LAPTM5: variants seen among roughly 807,000 people sequenced by gnomAD.
LAPTM5 encodes lysosomal-associated transmembrane protein 5.
LAPTM5 carries 11 observed loss-of-function variants against 30.1 expected under a neutral mutation model. The ratio of observed to expected loss-of-function variants is 0.37; its 90% CI spans 0.23 to 0.60. The LOEUF is 0.60. LAPTM5 is among the 20% of genes least tolerant of loss of function. The pLI, the probability that LAPTM5 is intolerant of heterozygous loss-of-function variation, is 0.71. For synonymous variants in LAPTM5, 151 were observed against 137.9 expected (o/e 1.10, Z -0.67); for missense variants, 324 against 332.5 (o/e 0.97, Z 0.20).
intron 1 of LAPTM5, among the ~76,000 whole-genome samples, chr1:30,751,453 GT>G (rs1385371689): frequency 5.9e-5 from 9 of 152,248 alleles, no homozygotes; most frequent in African/African-American, 1.9e-4. Flanking sequence ...CAACAGAGGA[GT>G]GGGGCCAGGC....
chr1:30,753,434 G>A (rs1640165491), intron 1 of LAPTM5, among the ~76,000 whole-genome samples: 1 of 152,198 alleles, frequency 6.6e-6, no homozygotes, highest in Non-Finnish European at 1.5e-5. Context: ...ACCAGCAACA[G>A]TGGTAAGTCA....
chr1:30,749,609 G>A (rs534764868), intron 1 of LAPTM5, among the ~76,000 whole-genome samples: 16 of 152,306 alleles, frequency 1.1e-4, no homozygotes, highest in South Asian at 1.0e-3. Flanking sequence ...CAGAGGGCAC[G>A]ACTCCCAGGG....
chr1:30,736,889 C>T (rs989031212), intron 6 of LAPTM5, among the ~76,000 whole-genome samples: 6 of 152,196 alleles, frequency 3.9e-5, no homozygotes, highest in Non-Finnish European at 7.3e-5. Context: ...ACAAAATTCC[C>T]CACAAGAGTT....
At chr1:30,740,404 C>T (rs990192659) in intron 3 of LAPTM5, among the ~76,000 whole-genome samples, 3 of 144,914 alleles carry the variant, frequency 2.1e-5, no homozygotes, top group Non-Finnish European at 1.5e-5. Context: ...GCCCCTCCCC[C>T]CCACCCCCCA....
chr1:30,740,068 C>G, intron 3 of LAPTM5, 131 bp from the exon 4 acceptor site: 1 of 1,025,288 alleles, frequency 9.8e-7, no homozygotes, highest in Non-Finnish European at 1.3e-6. Context: ...GTTGAGGTCA[C>G]CTCCCTCTGA....
chr1:30,756,306 A>G (rs563648332), intron 1 of LAPTM5, among the ~76,000 whole-genome samples: 4 of 152,330 alleles, frequency 2.6e-5, no homozygotes, highest in African/African-American at 9.6e-5. Flanking sequence ...CCTCCTCCCA[A>G]AACTAGAGTC....
intron 5 of LAPTM5, 115 bp downstream of exon 5, chr1:30,738,821 TCCTC>T: frequency 8.9e-7 from 1 of 1,127,576 alleles, no homozygotes; most frequent in Non-Finnish European, 1.2e-6. Context: ...ACAAGAATCT[TCCTC>T]CCAAGCTCCA....
chr1:30,756,124 C>A (rs1640208565), intron 1 of LAPTM5, among the ~76,000 whole-genome samples: 1 of 152,172 alleles, frequency 6.6e-6, no homozygotes, highest in African/African-American at 2.4e-5. Flanking sequence ...GGGGTGAGGA[C>A]CCAGGGACTT....
At chr1:30,751,838 T>C (rs569140065) in intron 1 of LAPTM5, among the ~76,000 whole-genome samples, 2 of 152,254 alleles carry the variant, frequency 1.3e-5, no homozygotes, top group Admixed American at 1.3e-4. Flanking sequence ...CTCCTCCAAA[T>C]GATCACTTTT....
At chr1:30,740,399 T>TCCCCCCCCCCCCCCCCCCCCCCCCCCCCC (rs148522746) in intron 3 of LAPTM5, among the ~76,000 whole-genome samples, 3 of 103,194 alleles carry the variant, frequency 2.9e-5, no homozygotes, top group Non-Finnish European at 5.9e-5. Context: ...AGAGAGCCCC[T>TCCCCCCCCCCCCCCCCCCCCCCCCCCCCC]CCCCCCCACC....
At chr1:30,742,134 A>C in intron 2 of LAPTM5, 1 of 423,852 alleles carries the variant, frequency 2.4e-6, no homozygotes, top group Non-Finnish European at 4.3e-6. Context: ...TATGGTGAGG[A>C]GTTTCCATTT....
At chr1:30,748,721 A>C (rs946209555) in intron 1 of LAPTM5, among the ~76,000 whole-genome samples, 2 of 152,138 alleles carry the variant, frequency 1.3e-5, no homozygotes, top group Admixed American at 6.5e-5. Flanking sequence ...GGCTGCCTGC[A>C]GCTCCCCAGA....
Position 30,741,634 on chromosome 1 carries a change from C to T in LAPTM5, c.258+6G>A. ...GCAGGGGGCAGCGGGGCTCCTGAGCCCTCACCTTGACTACGCCGATCAGTA... is the reference window on the plus strand; with the variant it reads ...GCAGGGGGCAGCGGGGCTCCTGAGCTCTCACCTTGACTACGCCGATCAGTA... On this transcript the variant is annotated splice_donor_region_variant and intron_variant, in intron 3 of 7. Transcript: ENST00000294507. 2 of 1,592,444 alleles carry T rather than the reference C, an allele frequency of 1.3e-6. No individual in the cohort carries two copies. The highest frequency in any genetic ancestry group is 1.7e-6 in the Non-Finnish European group (2 of 1,169,218).
In LAPTM5 at chr1:30,738,927, G is replaced by A. The variant is rs775459865; in HGVS notation, c.510+13C>T. ...AGCCAGCAAATGGGCATGGTTCCCT[G>A]CCCCAGACTCACCATGTGGTTCATG... On this transcript the variant is annotated intron_variant, in intron 5 of 7. Transcript: ENST00000294507. 21 of 1,595,942 alleles carry A rather than the reference G, an allele frequency of 1.3e-5. No individual in the cohort carries two copies. The highest frequency in any genetic ancestry group is 4.5e-4 in the Middle Eastern group (2 of 4,484).
intron 1 of LAPTM5, among the ~76,000 whole-genome samples, chr1:30,747,663 A>G (rs79835875): frequency 0.019 from 2,914 of 152,250 alleles, 91 homozygotes; most frequent in African/African-American, 0.067. Flanking sequence ...GGAGCAAGCA[A>G]CAGGTTGAGC....
intron 1 of LAPTM5, among the ~76,000 whole-genome samples, chr1:30,751,331 T>G (rs1236101176): frequency 1.3e-5 from 2 of 152,202 alleles, no homozygotes; most frequent in African/African-American, 4.8e-5. Context: ...GGCCTCTCTG[T>G]CCAGCCCAGG....
chr1:30,745,465 A>G (rs1640028965), intron 1 of LAPTM5, among the ~76,000 whole-genome samples: 1 of 140,892 alleles, frequency 7.1e-6, no homozygotes, highest in South Asian at 2.5e-4. Flanking sequence ...AGCACCAGGC[A>G]CCAGAGGTAT....
intron 3 of LAPTM5, 32 bp downstream of exon 3, chr1:30,741,608 G>A (rs758050735): frequency 1.3e-6 from 2 of 1,531,746 alleles, no homozygotes; most frequent in African/African-American, 1.4e-5. Flanking sequence ...AACAGGAAGG[G>A]GCAGGGGGCA....
At chr1:30,752,577 C>T (rs1351886682) in intron 1 of LAPTM5, among the ~76,000 whole-genome samples, 1 of 152,252 alleles carries the variant, frequency 6.6e-6, no homozygotes, top group African/African-American at 2.4e-5. Flanking sequence ...ACTCAGACCT[C>T]CTCCAAGAAG....
Sources: gnomAD v4.1 joint callset for allele counts (sites outside exome capture counted in the v4.1 genomes callset) on GRCh38, gnomAD v4.1.1 for gene constraint, MANE v1.5 for transcripts, NCBI Gene and HGNC (gene_info 2026-07-23, HGNC 2026-07-21) for gene names.